ACOT11: variants seen among roughly 807,000 people sequenced by gnomAD.
ACOT11 encodes acyl-coenzyme A thioesterase 11.
Under a neutral mutation model 77.5 loss-of-function variants are expected in ACOT11, and 69 were observed. The ratio of observed to expected loss-of-function variants is 0.89; its 90% confidence interval spans 0.73 to 1.09. The LOEUF (loss-of-function observed/expected upper bound fraction) is 1.09. Ranked by LOEUF, ACOT11 falls within the 50% of genes least tolerant of loss-of-function variation. The probability of loss-of-function intolerance (pLI) is 0.00; values close to 1 mark genes in which losing one functional copy is unlikely to be tolerated. For missense variants in ACOT11, 766 were observed against 813.7 expected (o/e 0.94, Z 0.71); for synonymous variants, 279 against 313.0 (o/e 0.89, Z 1.15).
intron 15 of ACOT11, among the ~76,000 whole-genome samples, chr1:54,615,532 T>C (rs1569790280): frequency 6.6e-6 from 1 of 150,700 alleles, no homozygotes; most frequent in Non-Finnish European, 1.5e-5. Context: ...AGGAGGGAGG[T>C]CCTGGAGAGA....
downstream of ACOT11, chr1:54,611,577 A>G: frequency 6.2e-7 from 1 of 1,611,514 alleles, no homozygotes; most frequent in Non-Finnish European, 8.5e-7. Flanking sequence ...AATCCAGCCC[A>G]CACCACCCTT....
At chr1:54,616,996 GC>G (rs1210436946) in intron 15 of ACOT11, among the ~76,000 whole-genome samples, 3 of 152,136 alleles carry the variant, frequency 2.0e-5, no homozygotes, top group Non-Finnish European at 2.9e-5. Flanking sequence ...GAGTCTCAGT[GC>G]CCAGCCCACA....
Position 54,607,822 on chromosome 1 carries a change from A to G in ACOT11, c.1503-120A>G. The G allele has an allele frequency of 7.4e-7, 1 of 1,346,034 alleles. No individual in the cohort carries two copies. Among genetic ancestry groups the G allele is most frequent in the Non-Finnish European group, 1.0e-6 (1 of 978,302 alleles). The allele number at this position is 1,346,034 out of a possible 1,614,324, so 83.4% of individuals were successfully genotyped here. On this transcript the variant is annotated intron_variant, in intron 14 of 15. Coordinates refer to ENST00000343744, the MANE Select transcript of ACOT11 (RefSeq NM_147161.4). The surrounding 1 kb of genome is among the most constrained non-coding windows in gnomAD (Gnocchi z 4.5). ...GGCTTTAAGAGTCGATGTGCCTTGC[A>G]TCCCCCTGGTGAGGAATCTGTGCTA...
chr1:54,560,038 A>G (rs1265056951), intron 1 of ACOT11, among the ~76,000 whole-genome samples: 2 of 152,190 alleles, frequency 1.3e-5, no homozygotes, highest in African/African-American at 4.8e-5. Flanking sequence ...TCCCAGGGGC[A>G]GCCTTGCGGG....
intron 15 of ACOT11, 59 bp from the exon 16 acceptor site, chr1:54,608,898 C>T (rs865929051): frequency 1.9e-5 from 30 of 1,550,810 alleles, no homozygotes; most frequent in Non-Finnish European, 2.6e-5. Context: ...TGGGCTCCCA[C>T]CCCTTCCCAG....
Position 54,609,202 on chromosome 1 carries a change from A to G in ACOT11, c.*90A>G. 3 of 1,593,762 alleles carry G rather than the reference A, an allele frequency of 1.9e-6. No homozygotes were observed. Among genetic ancestry groups the G allele is most frequent in the East Asian group, 2.2e-5 (1 of 44,646 alleles). ...TGCCTGGAGAAAGCCAAAGACCTTT[A>G]TTTCTTCCTGCCTCCCCGTGGGAAG... On this transcript the variant is annotated 3_prime_UTR_variant, in exon 16 of 16. Coordinates refer to ENST00000343744, the MANE Select transcript of ACOT11 (RefSeq NM_147161.4).
At chr1:54,630,442 G>A (rs1012044211) in intron 15 of ACOT11, among the ~76,000 whole-genome samples, 9 of 152,328 alleles carry the variant, frequency 5.9e-5, no homozygotes, top group Admixed American at 3.3e-4. Flanking sequence ...CACCTGGCCC[G>A]CCCAGGGTGG....
chr1:54,579,769 C>T (rs1654238982), intron 1 of ACOT11, among the ~76,000 whole-genome samples: 1 of 152,192 alleles, frequency 6.6e-6, no homozygotes, highest in Non-Finnish European at 1.5e-5. Context: ...AGGGGCTTTG[C>T]AGTTTTGCAC....
At chr1:54,588,216 A>T (rs72668274) in intron 3 of ACOT11, among the ~76,000 whole-genome samples, 8,081 of 152,172 alleles carry the variant, frequency 0.053, 241 homozygotes, top group Middle Eastern at 0.15. Flanking sequence ...GATAAATAAA[A>T]AAATAAAAAT....
At position 54,631,901 on chromosome 1, in the gene ACOT11, T is replaced by C. The variant is rs111569269; in HGVS notation, c.1782+1015T>C. 5.3e-3 allele frequency among the ~76,000 whole-genome samples: 814 copies of C among 152,298 alleles called. 9 individuals are homozygous for C. Among genetic ancestry groups the C allele is most frequent in the African/African-American group, 0.019 (778 of 41,554 alleles). On this transcript the variant is annotated intron_variant, in intron 16 of 16. Transcript: ENST00000371316. ...CGACCTATCAGAGGGAAAGCACATT[T>C]AGTTTATTATATCAAAGCCTATGAT...
chr1:54,559,614 A>C (rs1243907591), intron 1 of ACOT11, among the ~76,000 whole-genome samples: 1 of 150,706 alleles, frequency 6.6e-6, no homozygotes, highest in Non-Finnish European at 1.5e-5. Context: ...TTTCCATCTC[A>C]TGTGAACCTC....
At position 54,608,198 on chromosome 1, in the gene ACOT11, G is replaced by T. The variant is rs554317268; in HGVS notation, c.1629+130G>T. ...CCCAGCAGGCTCCCCCTTCCAGCCTGGGGGAGCCTGAGAGTGTCAGGGGCT... is the reference window on the plus strand; with the variant it reads ...CCCAGCAGGCTCCCCCTTCCAGCCTTGGGGAGCCTGAGAGTGTCAGGGGCT... On this transcript the variant is annotated intron_variant, in intron 15 of 15. Coordinates refer to ENST00000343744, the MANE Select transcript of ACOT11 (RefSeq NM_147161.4). 7 of 829,378 alleles carry T rather than the reference G, an allele frequency of 8.4e-6. No individual in the cohort carries two copies. The East Asian group carries it at 1.9e-4, about 23-fold the overall frequency. 51.4% of individuals were successfully genotyped at this position (829,378 alleles called of 1,614,324 possible). A position where few individuals can be genotyped will look rare whatever the true frequency, so the allele number is the denominator to read the frequency against.
At chr1:54,614,906 G>A, downstream of ACOT11, 3 of 1,591,384 alleles carry the variant, frequency 1.9e-6, no homozygotes, top group Non-Finnish European at 2.6e-6. Flanking sequence ...AAGGAACTAG[G>A]AATACATGAC....
At chr1:54,582,703 C>T (rs1457947704) in intron 1 of ACOT11, among the ~76,000 whole-genome samples, 2 of 152,148 alleles carry the variant, frequency 1.3e-5, no homozygotes, top group Non-Finnish European at 2.9e-5. Flanking sequence ...TGCCCTCGTC[C>T]TCGTGAGGGC....
intron 10 of ACOT11, 123 bp downstream of exon 10, chr1:54,602,847 A>G: frequency 9.2e-7 from 1 of 1,082,202 alleles, no homozygotes; most frequent in Non-Finnish European, 1.3e-6. Context: ...GGCCCTTTAC[A>G]TCCTCTCGTT....
chr1:54,618,212 T>C (rs556894147), intron 15 of ACOT11, among the ~76,000 whole-genome samples: 6 of 152,216 alleles, frequency 3.9e-5, no homozygotes, highest in African/African-American at 1.2e-4. Flanking sequence ...CTTAAAAAAA[T>C]CACCTCCTCA....
Position 54,594,579 on chromosome 1 carries a change from G to A in ACOT11, c.495G>A (p.Pro165=), listed in dbSNP as rs201911160. ...AGGTGAAGCTGAAGCAGATCACGCCGCGGACAGAAGAGGAGAAGATGGAGC... is the reference window on the plus strand; with the variant it reads ...AGGTGAAGCTGAAGCAGATCACGCCACGGACAGAAGAGGAGAAGATGGAGC... ...ITKVKLKQIT[P]RTEEEKMEHS... is the part of the protein sequence containing the mutation. Residue 165 remains proline, a synonymous_variant, in exon 6 of 16, where the codon CCG becomes CCA. Coordinates refer to ENST00000343744, the MANE Select transcript of ACOT11 (RefSeq NM_147161.4). The A allele has an allele frequency of 2.9e-4, 471 of 1,613,822 alleles. 1 individual carries two copies. Among genetic ancestry groups the A allele is most frequent in the Non-Finnish European group, 3.6e-4 (430 of 1,179,912 alleles).
intron 9 of ACOT11, among the ~76,000 whole-genome samples, chr1:54,602,380 G>A (rs1186310752): frequency 6.6e-6 from 1 of 152,222 alleles, no homozygotes; most frequent in Non-Finnish European, 1.5e-5. Context: ...AGTAAATGTG[G>A]ACTCTCATTA....
chr1:54,607,317 G>A lies in ACOT11; in HGVS notation c.1502+52G>A. The A allele has an allele frequency of 1.3e-6, 2 of 1,598,786 alleles. No homozygotes were observed. Among genetic ancestry groups the A allele is most frequent in the African/African-American group, 1.3e-5 (1 of 74,802 alleles). On this transcript the variant is annotated intron_variant, in intron 14 of 15. Transcript: ENST00000343744. The surrounding 1 kb of genome is among the most constrained non-coding windows in gnomAD (Gnocchi z 4.5). The stretch of plus-strand genomic sequence containing the variant: ...GGGACACAACTGGACAGGGTGGTAG[G>A]GTGGCCGCTTCTCCCTCCCAGGGAA...
Sources: gnomAD v4.1 joint callset for allele counts (sites outside exome capture counted in the v4.1 genomes callset) on GRCh38, gnomAD v4.1.1 for gene constraint, Gnocchi (gnomAD v3.1) non-coding constraint, MANE v1.5 for transcripts, NCBI Gene and HGNC (gene_info 2026-07-23, HGNC 2026-07-21) for gene names.